Variants in AATK observed in about 807,000 individuals in gnomAD.
AATK encodes the protein serine/threonine-protein kinase LMTK1.
In AATK, 91 loss-of-function variants were observed where a neutral mutation model predicts 114.3. The observed-to-expected ratio is 0.80, with a 90% CI of 0.67 to 0.95. AATK has a LOEUF of 0.95. Ranked by LOEUF, AATK falls within the 40% of genes least tolerant of loss-of-function variation. AATK has a pLI of 0.00. For synonymous variants in AATK, 1,075 were observed against 916.5 expected (o/e 1.17, Z -3.12); for missense variants, 2,176 against 1,965.2 (o/e 1.11, Z -2.03).
At chr17:81,154,397 T>C (rs1212136422) in intron 1 of AATK, among the ~76,000 whole-genome samples, 1 of 142,684 alleles carries the variant, frequency 7.0e-6, no homozygotes, top group African/African-American at 2.6e-5. Flanking sequence ...TTCAGCTCAC[T>C]GCAACCTCCG....
rs535117206 is a variant in AATK at position 81,122,674 on chromosome 17, C to T, written c.1262G>A (p.Gly421Glu). ...ERRWRSLRPG[G>E]GGVGPGPGAA... is the part of the protein sequence containing the mutation. Reference sequence around the variant, plus strand: ...ACCGGGCCCGGGCCCCACGCCGCCCCCGCCGGGCCGCAGAGAGCGCCAGCG... The same window carrying T: ...ACCGGGCCCGGGCCCCACGCCGCCCTCGCCGGGCCGCAGAGAGCGCCAGCG... The change falls in exon 11 of 14, where the codon GGG (glycine) becomes GAG (glutamate). Residue 421 changes from glycine to glutamate, a missense_variant. Transcript: ENST00000326724. The T allele has an allele frequency of 2.0e-6, 3 of 1,522,016 alleles. No individual in the cohort carries two copies. The South Asian group carries it at 3.7e-5, about 19-fold the overall frequency. 94.3% of individuals were successfully genotyped at this position (1,522,016 alleles called of 1,614,324 possible).
chr17:81,134,711 TG>T (rs2060984354), intron 1 of AATK, among the ~76,000 whole-genome samples: 1 of 152,218 alleles, frequency 6.6e-6, no homozygotes, highest in South Asian at 2.1e-4. Flanking sequence ...GACACCACCC[TG>T]GCTTCGCCAG....
chr17:81,120,041 T>G lies in AATK; in HGVS notation c.3778A>C (p.Lys1260Gln). 5.5e-6 allele frequency: 8 copies of G among 1,455,660 alleles called. No homozygotes were observed. The highest frequency in any genetic ancestry group is 7.3e-6 in the Non-Finnish European group (8 of 1,101,484). 90.2% of individuals were successfully genotyped at this position (1,455,660 alleles called of 1,614,324 possible). A position where few individuals can be genotyped will look rare whatever the true frequency, so the allele number is the denominator to read the frequency against. The stretch of plus-strand genomic sequence containing the variant: ...CTAAGGAACGTAGGGGGCGATTCCT[T>G]GGCGCCCGGGAAGGGCTCCCCGAGC... Reference protein sequence around the residue: ...RELGEPFPGAKESPPTFLRGS... With the variant: ...RELGEPFPGAQESPPTFLRGS... The change falls in exon 12 of 14, where the codon AAG becomes CAG. Residue 1260 changes from lysine to glutamine, a missense_variant. Lys to Gln is a moderately conservative substitution (Grantham distance 53). Transcript: ENST00000326724.
At chr17:81,153,234 C>A (rs2061319424) in intron 1 of AATK, among the ~76,000 whole-genome samples, 1 of 152,094 alleles carries the variant, frequency 6.6e-6, no homozygotes, top group Non-Finnish European at 1.5e-5. Context: ...TCTGTATTAA[C>A]AACTGGGAAA....
rs550286805 is a variant in AATK at position 81,121,011 on chromosome 17, G to A, written c.2925C>T (p.Pro975=). Residue 975 remains proline (P), a synonymous_variant, in exon 11 of 14, where the codon CCC becomes CCT. Coordinates refer to ENST00000326724, the MANE Select transcript of AATK (RefSeq NM_001080395.3). ...TGAGGGAGGTGGAGAGCCGTGTCTC[G>A]GGCCCGGGGCCCTCACCCTCTGAGG... The part of the protein sequence containing the change: ...ELASEGEGPG[P]ETRLSTSLSG... 4 of 1,609,768 alleles carry A rather than the reference G, an allele frequency of 2.5e-6. No homozygotes were observed. The highest frequency in any genetic ancestry group is 1.7e-6 in the Non-Finnish European group (2 of 1,178,850).
intron 9 of AATK, 92 bp downstream of exon 9, chr17:81,124,635 C>T (rs2060770705): frequency 6.4e-7 from 1 of 1,559,142 alleles, no homozygotes; most frequent in South Asian, 1.2e-5. Flanking sequence ...CCGGCAGCCC[C>T]CTGACCTCAC....
chr17:81,166,033 C>G lies in AATK; in HGVS notation c.-41G>C, dbSNP rs763593882. On this transcript the variant is annotated 5_prime_UTR_variant, in exon 1 of 14. Transcript: ENST00000326724. ...CGGCGGGCATCCCGGGAGGGCGCTG[C>G]GCTCAGGACGCCCGCGGCCCCGGCC... 6.9e-7 allele frequency: 1 copy of G among 1,452,012 alleles called. No homozygotes were observed. The highest frequency in any genetic ancestry group is 9.1e-7 in the Non-Finnish European group (1 of 1,097,666). 89.9% of individuals were successfully genotyped at this position (1,452,012 alleles called of 1,614,324 possible).
At chr17:81,147,956 A>AGG (rs894398022) in intron 1 of AATK, among the ~76,000 whole-genome samples, 1 of 151,672 alleles carries the variant, frequency 6.6e-6, no homozygotes, top group African/African-American at 2.4e-5. Flanking sequence ...GAATTAGTGA[A>AGG]ATTACACACG....
chr17:81,162,740 C>A (rs955985311), intron 1 of AATK, among the ~76,000 whole-genome samples: 1 of 152,212 alleles, frequency 6.6e-6, no homozygotes, highest in African/African-American at 2.4e-5. Context: ...GCACTTCTCC[C>A]AGGAACCCCC....
At chr17:81,145,045 C>T (rs898977483) in intron 1 of AATK, among the ~76,000 whole-genome samples, 1 of 151,986 alleles carries the variant, frequency 6.6e-6, no homozygotes, top group African/African-American at 2.4e-5. Context: ...CCATCCTGGC[C>T]AACATGGTGA....
At chr17:81,138,400 CCCA>C (rs1443857096) in intron 1 of AATK, among the ~76,000 whole-genome samples, 1 of 150,052 alleles carries the variant, frequency 6.7e-6, no homozygotes. Flanking sequence ...CACACACACC[CCCA>C]CACGTGCGTG....
At chr17:81,140,137 C>T (rs1345699285) in intron 1 of AATK, among the ~76,000 whole-genome samples, 1 of 152,140 alleles carries the variant, frequency 6.6e-6, no homozygotes, top group Non-Finnish European at 1.5e-5. Flanking sequence ...CCCAGCCTCC[C>T]GGGTAGCTGG....
In AATK at chr17:81,138,086, GCA is replaced by G. The variant is rs557889826; in HGVS notation, c.56-3587_56-3586del. 2.7e-4 allele frequency among the ~76,000 whole-genome samples: 39 copies of G among 143,066 alleles called. No individual in the cohort carries two copies. In the South Asian group the frequency reaches 7.4e-3, roughly 27 times the overall value. 93.9% of individuals were successfully genotyped at this position (143,066 alleles called of 152,430 possible). On this transcript the variant is annotated intron_variant, in intron 1 of 13. Transcript: ENST00000326724. ...CGTGCACCCGGACCCACACCTGTGT[GCA>G]CACACGCGGACACATACGTGTGCAC...
intron 1 of AATK, among the ~76,000 whole-genome samples, chr17:81,146,495 C>T (rs987803318): frequency 7.9e-5 from 12 of 152,190 alleles, no homozygotes; most frequent in Non-Finnish European, 1.3e-4. Flanking sequence ...GTGGGTGGAT[C>T]ACTTGAGGTC....
intron 1 of AATK, among the ~76,000 whole-genome samples, chr17:81,164,659 G>C (rs1266429088): frequency 6.6e-6 from 1 of 152,184 alleles, no homozygotes; most frequent in Non-Finnish European, 1.5e-5. Flanking sequence ...GGGCAGAAAG[G>C]ACCAAGCACC....
chr17:81,128,419 G>A, intron 4 of AATK, 51 bp downstream of exon 4: 1 of 1,544,334 alleles, frequency 6.5e-7, no homozygotes, highest in Non-Finnish European at 8.7e-7. Context: ...GCAGCCCTGT[G>A]TCCCTTCTGC....
intron 1 of AATK, chr17:81,165,458 G>C (rs780885459): frequency 1.8e-5 from 7 of 381,926 alleles, no homozygotes; most frequent in Non-Finnish European, 3.5e-5. Context: ...ACTGGCCCCT[G>C]CTCCCCCCAC....
chr17:81,138,198 CA>C lies in AATK; in HGVS notation c.56-3698del, dbSNP rs1209015158. Among the ~76,000 whole-genome samples, 530 of 151,390 alleles carry C rather than the reference CA, an allele frequency of 3.5e-3. 7 individuals are homozygous for C. The highest frequency in any genetic ancestry group is 0.023 in the South Asian group (111 of 4,746). On this transcript the variant is annotated intron_variant, in intron 1 of 13. Transcript: ENST00000326724. ...TTACCCACACATGCGTGCACACACA[CA>C]CACACCCCCACATGCACACATATCC...
chr17:81,120,466 C>T lies in AATK; in HGVS notation c.3470G>A (p.Arg1157Gln), dbSNP rs769463517. 3.2e-6 allele frequency: 5 copies of T among 1,538,990 alleles called. No homozygotes were observed. Among genetic ancestry groups the T allele is most frequent in the Non-Finnish European group, 3.5e-6 (4 of 1,138,420 alleles). Residue 1157 changes from arginine (R) to glutamine (Q), a missense_variant, in exon 11 of 14, where the codon CGG becomes CAG. Around this residue, in one of 4 missense-constraint regions of AATK, gnomAD observed 1,701 missense variants for 1,394.7 expected, o/e 1.22. Coordinates refer to ENST00000326724, the MANE Select transcript of AATK (RefSeq NM_001080395.3). ...ACTGTCCTCCTCCTCCTCCTCCGGC[C>T]GGCCCTCCAAGGCCGCAGGGAGGCC... ...LPGLPAALEG[R>Q]PEEEEEDSED...
Sources: gnomAD v4.1 joint callset for allele counts (sites outside exome capture counted in the v4.1 genomes callset) on GRCh38, gnomAD v4.1.1 for gene constraint, gnomAD v4.1.1 regional missense constraint, MANE v1.5 for transcripts, NCBI Gene and HGNC (gene_info 2026-07-23, HGNC 2026-07-21) for gene names.